The following MTHFS variants were observed in gnomAD, a reference collection of about 807,000 sequenced individuals.
MTHFS encodes methenyltetrahydrofolate synthetase.
A neutral mutation model predicts 12.7 loss-of-function variants in MTHFS; 7 were observed. The ratio of observed to expected loss-of-function variants is 0.55; its 90% confidence interval spans 0.31 to 1.03. The LOEUF is 1.03. MTHFS is among the 50% of genes least tolerant of loss of function. MTHFS has a pLI of 0.05. For missense variants in MTHFS, 252 were observed against 258.1 expected (o/e 0.98, Z 0.16); for synonymous variants, 100 against 97.1 (o/e 1.03, Z -0.18).
At chr15:79,886,358 C>T (rs2034381927) in intron 2 of MTHFS, among the ~76,000 whole-genome samples, 1 of 152,176 alleles carries the variant, frequency 6.6e-6, no homozygotes, top group Non-Finnish European at 1.5e-5. Context: ...AGATAACAAA[C>T]AGCTGAGGCT....
At chr15:79,862,521 C>G (rs1352761059) in intron 2 of MTHFS, among the ~76,000 whole-genome samples, 1 of 152,202 alleles carries the variant, frequency 6.6e-6, no homozygotes, top group Non-Finnish European at 1.5e-5. Flanking sequence ...TTGATCATAT[C>G]AGCCCTCACA....
chr15:79,864,735 G>A (rs1472286283), intron 2 of MTHFS, among the ~76,000 whole-genome samples: 1 of 152,038 alleles, frequency 6.6e-6, no homozygotes, highest in African/African-American at 2.4e-5. Flanking sequence ...GTCACACACA[G>A]TAGGACTCTC....
Position 79,845,089 on chromosome 15 carries a change from A to G in MTHFS, c.*121T>C. The G allele has an allele frequency of 7.8e-7, 1 of 1,279,096 alleles. No individual in the cohort carries two copies. The highest frequency in any genetic ancestry group is 1.5e-5 in the African/African-American group (1 of 66,694). The allele number at this position is 1,279,096 out of a possible 1,614,324, so 79.2% of individuals were successfully genotyped here. A position where few individuals can be genotyped will look rare whatever the true frequency, so the allele number is the denominator to read the frequency against. On this transcript the variant is annotated 3_prime_UTR_variant, in exon 3 of 3. Transcript: ENST00000258874. ...TAAGGTATTTCATAATTACAATTTT[A>G]AAATGCAGTCTGTATTCACATTAAT... is the stretch of plus-strand genomic sequence containing the variant.
intron 1 of MTHFS, among the ~76,000 whole-genome samples, chr15:79,893,888 T>C (rs1234481867): frequency 6.6e-6 from 1 of 152,174 alleles, no homozygotes; most frequent in African/African-American, 2.4e-5. Flanking sequence ...ATTACTTCTC[T>C]GATAAATTTC....
intron 2 of MTHFS, among the ~76,000 whole-genome samples, chr15:79,845,799 C>T (rs1210312319): frequency 6.6e-6 from 1 of 152,094 alleles, no homozygotes; most frequent in Non-Finnish European, 1.5e-5. Context: ...ATCAATACCC[C>T]AGGATAATGA....
chr15:79,845,006 C>A lies in MTHFS; in HGVS notation c.*204G>T, dbSNP rs1046198202. 4.3e-6 allele frequency: 3 copies of A among 702,720 alleles called. No individual in the cohort carries two copies. Among genetic ancestry groups the A allele is most frequent in the Non-Finnish European group, 4.5e-6 (2 of 445,838 alleles). 43.5% of individuals were successfully genotyped at this position (702,720 alleles called of 1,614,324 possible). A position where few individuals can be genotyped will look rare whatever the true frequency, so the allele number is the denominator to read the frequency against. ...CTGAAAATCACAGGCTGATAGCCTC[C>A]ATTTTAATTAATATTCTACTATTCA... On this transcript the variant is annotated 3_prime_UTR_variant, in exon 3 of 3. Transcript: ENST00000258874.
At chr15:79,867,661 C>T (rs1403873415) in intron 2 of MTHFS, among the ~76,000 whole-genome samples, 2 of 151,106 alleles carry the variant, frequency 1.3e-5, no homozygotes, top group African/African-American at 4.9e-5. Flanking sequence ...TTAACAATGC[C>T]TTAGTCACCA....
chr15:79,854,840 A>C (rs187092515), intron 2 of MTHFS, among the ~76,000 whole-genome samples: 1 of 152,210 alleles, frequency 6.6e-6, no homozygotes, highest in Non-Finnish European at 1.5e-5. Context: ...TTATTTTCTT[A>C]ATCAACATCA....
intron 1 of MTHFS, among the ~76,000 whole-genome samples, chr15:79,890,518 T>G (rs1040171335): frequency 2.0e-5 from 3 of 152,102 alleles, no homozygotes; most frequent in African/African-American, 7.2e-5. Context: ...TGTGAGGCAC[T>G]GCACCTGGCC....
intron 2 of MTHFS, among the ~76,000 whole-genome samples, chr15:79,845,905 C>T (rs1320825868): frequency 1.3e-5 from 2 of 152,156 alleles, no homozygotes; most frequent in African/African-American, 4.8e-5. Flanking sequence ...GTCAGGCATA[C>T]CAAGCAGTTC....
chr15:79,886,446 T>A (rs989425599), intron 2 of MTHFS, among the ~76,000 whole-genome samples: 2 of 151,984 alleles, frequency 1.3e-5, no homozygotes, highest in Admixed American at 1.3e-4. Flanking sequence ...GTGGGTATAA[T>A]CCTCTATCCC....
rs201495202 is a variant in MTHFS at position 79,884,139 on chromosome 15, C to CT, written c.379+4953dup. 6.1e-3 allele frequency among the ~76,000 whole-genome samples: 922 copies of CT among 152,264 alleles called. 5 individuals carry two copies. The highest frequency in any genetic ancestry group is 0.021 in the African/African-American group (885 of 41,536). On this transcript the variant is annotated intron_variant, in intron 2 of 2. Coordinates refer to ENST00000258874, the MANE Select transcript of MTHFS (RefSeq NM_006441.4). ...ACTTACAGGTAAGAAGACTGAAACT[C>CT]TAAGAAGTTAAGTGATCTTCCCAAG...
intron 1 of MTHFS, among the ~76,000 whole-genome samples, chr15:79,892,797 A>C (rs988770476): frequency 1.3e-5 from 2 of 152,040 alleles, no homozygotes; most frequent in African/African-American, 4.8e-5. Flanking sequence ...CTAAAAATAC[A>C]AAAACTAGCT....
intron 2 of MTHFS, among the ~76,000 whole-genome samples, chr15:79,851,464 T>A (rs893626232): frequency 6.6e-6 from 1 of 152,174 alleles, no homozygotes; most frequent in African/African-American, 2.4e-5. Context: ...CTTGTTCAGA[T>A]TATCCTGTGA....
intron 2 of MTHFS, among the ~76,000 whole-genome samples, chr15:79,868,341 C>G (rs1388038887): frequency 6.6e-6 from 1 of 152,098 alleles, no homozygotes; most frequent in Non-Finnish European, 1.5e-5. Context: ...ATTGAAAGAG[C>G]TCTGTATCAG....
At chr15:79,856,430 T>C (rs1477204489) in intron 2 of MTHFS, among the ~76,000 whole-genome samples, 35 of 152,254 alleles carry the variant, frequency 2.3e-4, no homozygotes, top group Admixed American at 2.3e-3. Context: ...GAATCAAAGC[T>C]TAGTGACTCT....
rs554718270 is a variant in MTHFS at position 79,843,987 on chromosome 15, T to C, written c.*1223A>G. ...GACAGAGAGAAATGCATGCTTACTATGTGCAAAGGGCAGAAGCCTGCAGTG... is the reference window on the plus strand; with the variant it reads ...GACAGAGAGAAATGCATGCTTACTACGTGCAAAGGGCAGAAGCCTGCAGTG... On this transcript the variant is annotated 3_prime_UTR_variant, in exon 3 of 3. Transcript: ENST00000258874. 1 of 152,218 alleles carries C rather than the reference T, an allele frequency of 6.6e-6. No homozygotes were observed. Among genetic ancestry groups the C allele is most frequent in the African/African-American group, 2.4e-5 (1 of 41,452 alleles). The allele number at this position is 152,218 out of a possible 1,614,324, so 9.4% of individuals were successfully genotyped here.
At position 79,876,472 on chromosome 15, in the gene MTHFS, G is replaced by A. The variant is rs139626643; in HGVS notation, c.379+12621C>T. ...CTAAAAATACAAAAAAAAATTAGCC[G>A]GGCGTGGTGGCAGGCACCTGTAGTC... On this transcript the variant is annotated intron_variant, in intron 2 of 2. Coordinates refer to ENST00000258874, the MANE Select transcript of MTHFS (RefSeq NM_006441.4). The A allele has an allele frequency of 0.019, 2,931 of 151,776 alleles. 183 individuals are homozygous for A. The East Asian group carries it at 0.22, about 11-fold the overall frequency. The allele number at this position is 151,776 out of a possible 1,614,324, so 9.4% of individuals were successfully genotyped here. A position where few individuals can be genotyped will look rare whatever the true frequency, so the allele number is the denominator to read the frequency against.
chr15:79,851,937 G>A (rs945849551), intron 2 of MTHFS, among the ~76,000 whole-genome samples: 2 of 152,130 alleles, frequency 1.3e-5, no homozygotes, highest in African/African-American at 2.4e-5. Context: ...CCACTTATTA[G>A]CTATGAAACA....
Sources: gnomAD v4.1 joint callset for allele counts (sites outside exome capture counted in the v4.1 genomes callset) on GRCh38, gnomAD v4.1.1 for gene constraint, MANE v1.5 for transcripts, NCBI Gene and HGNC (gene_info 2026-07-23, HGNC 2026-07-21) for gene names.